Variants in CNTNAP2 observed in about 807,000 individuals in gnomAD.
CNTNAP2 encodes the protein contactin-associated protein-like 2.
CNTNAP2 carries 98 observed loss-of-function variants against 155.2 expected under a neutral mutation model. The observed-to-expected ratio is 0.63, with a 90% CI of 0.54 to 0.75. CNTNAP2 has a LOEUF of 0.75. Ranked by LOEUF, CNTNAP2 falls within the 30% of genes least tolerant of loss-of-function variation. The pLI, the probability that CNTNAP2 is intolerant of heterozygous loss-of-function variation, is 0.00. For synonymous variants in CNTNAP2, 651 were observed against 631.2 expected, an observed-to-expected ratio of 1.03 and a Z score of -0.47; for missense variants, 1,727 against 1,688.1, an observed-to-expected ratio of 1.02 and a Z score of -0.40.
At chr7:148,208,282 A>G (rs922204147) in intron 18 of CNTNAP2, among the ~76,000 whole-genome samples, 1 of 152,208 alleles carries the variant, frequency 6.6e-6, no homozygotes, top group Non-Finnish European at 1.5e-5. Flanking sequence ...TGGTCAAACT[A>G]GAAAATTCGG....
intron 3 of CNTNAP2, among the ~76,000 whole-genome samples, chr7:147,034,336 A>G (rs1183598521): frequency 6.6e-6 from 1 of 152,166 alleles, no homozygotes; most frequent in Non-Finnish European, 1.5e-5. Context: ...TCCTCTTCAC[A>G]GGGCAAGTGA....
Position 148,415,496 on chromosome 7 carries a change from C to A in CNTNAP2, c.3876C>A (p.Thr1292=). The change falls in exon 24 of 24, where the codon ACC becomes ACA. Residue 1292 remains threonine, a synonymous_variant. Coordinates refer to ENST00000361727, the MANE Select transcript of CNTNAP2 (RefSeq NM_014141.6). ...GGTACATGTTCCGCCACAAGGGCAC[C>A]TACCATACCAACGAAGCAAAGGGGG... ...LIRYMFRHKG[T]YHTNEAKGAE... is the part of the protein sequence containing the mutation. 6.2e-7 allele frequency: 1 copy of A among 1,614,234 alleles called. No individual in the cohort carries two copies. Among genetic ancestry groups the A allele is most frequent in the African/African-American group, 1.3e-5 (1 of 75,084 alleles).
At chr7:146,264,941 A>G (rs1799971339) in intron 1 of CNTNAP2, among the ~76,000 whole-genome samples, 1 of 152,204 alleles carries the variant, frequency 6.6e-6, no homozygotes, top group Non-Finnish European at 1.5e-5. Context: ...TTTCAAAGGA[A>G]TCTGAATGAG....
At chr7:146,540,524 A>G (rs1210075219) in intron 1 of CNTNAP2, among the ~76,000 whole-genome samples, 1 of 152,124 alleles carries the variant, frequency 6.6e-6, no homozygotes, top group African/African-American at 2.4e-5. Flanking sequence ...AAGGCTATGC[A>G]AGACTGCAGA....
chr7:147,107,703 G>T (rs1426533144), intron 4 of CNTNAP2, among the ~76,000 whole-genome samples: 1 of 152,046 alleles, frequency 6.6e-6, no homozygotes, highest in African/African-American at 2.4e-5. Context: ...TACATTCCAA[G>T]TGCCTTCATT....
At chr7:147,176,245 T>C (rs1802335931) in intron 8 of CNTNAP2, among the ~76,000 whole-genome samples, 1 of 152,202 alleles carries the variant, frequency 6.6e-6, no homozygotes, top group Admixed American at 6.5e-5. Context: ...ACCTCATCAG[T>C]TGGAAAATAA....
intron 15 of CNTNAP2, among the ~76,000 whole-genome samples, chr7:148,019,035 G>C (rs991280002): frequency 2.5e-4 from 38 of 152,108 alleles, no homozygotes; most frequent in African/African-American, 8.9e-4. Context: ...TCCCCATCTT[G>C]GCTCTCCTCC....
Position 146,665,783 on chromosome 7 carries a change from T to TAAAAAAACAAAAAAAAAAAAA in CNTNAP2, c.98-108481_98-108480insCAAAAAAAAAAAAAAAAAAAA, listed in dbSNP as rs1554464843. Among the ~76,000 whole-genome samples the TAAAAAAACAAAAAAAAAAAAA allele has an allele frequency of 1.3e-3, 61 of 48,282 alleles. 9 individuals carry two copies. The highest frequency in any genetic ancestry group is 5.9e-3 in the African/African-American group (52 of 8,826). The allele number at this position is 48,282 out of a possible 152,430, so 31.7% of individuals were successfully genotyped here. A position where few individuals can be genotyped will look rare whatever the true frequency, so the allele number is the denominator to read the frequency against. Reference sequence around the variant, plus strand: ...GCTATGGAGTGAGACTCTGTCTCATTAAAAAAAAAAAAAAATACATTTTGT... The same window carrying TAAAAAAACAAAAAAAAAAAAA: ...GCTATGGAGTGAGACTCTGTCTCATTAAAAAAACAAAAAAAAAAAAAAAAAAAAAAAAAAAATACATTTTGT... On this transcript the variant is annotated intron_variant, in intron 1 of 23. Transcript: ENST00000361727.
chr7:148,312,735 G>A (rs1308335174), intron 21 of CNTNAP2, among the ~76,000 whole-genome samples: 3 of 152,202 alleles, frequency 2.0e-5, no homozygotes, highest in African/African-American at 7.2e-5. Context: ...AAAAGGCCAT[G>A]CTGTAACAGG....
chr7:148,115,341 G>A (rs1303026555), intron 15 of CNTNAP2, among the ~76,000 whole-genome samples: 1 of 152,186 alleles, frequency 6.6e-6, no homozygotes, highest in Non-Finnish European at 1.5e-5. Flanking sequence ...CTGCCCTTCT[G>A]TTAATACATC....
At chr7:147,603,392 T>G (rs1800995711) in intron 12 of CNTNAP2, among the ~76,000 whole-genome samples, 1 of 152,138 alleles carries the variant, frequency 6.6e-6, no homozygotes, top group South Asian at 2.1e-4. Flanking sequence ...ACAAAATCAA[T>G]GTACAAAAAT....
intron 1 of CNTNAP2, among the ~76,000 whole-genome samples, chr7:146,762,806 G>C (rs185694947): frequency 6.6e-6 from 1 of 152,096 alleles, no homozygotes; most frequent in Non-Finnish European, 1.5e-5. Context: ...AAGGTAGCAT[G>C]TACAGGGGAA....
intron 1 of CNTNAP2, among the ~76,000 whole-genome samples, chr7:146,761,513 G>A (rs1026825319): frequency 6.6e-6 from 1 of 152,102 alleles, no homozygotes; most frequent in Non-Finnish European, 1.5e-5. Context: ...TTGTTCTGTT[G>A]TTGTTGCTGT....
chr7:147,806,304 A>C (rs1798089652), intron 13 of CNTNAP2, among the ~76,000 whole-genome samples: 1 of 152,174 alleles, frequency 6.6e-6, no homozygotes, highest in African/African-American at 2.4e-5. Context: ...CATCTCACCC[A>C]AGTTAAAATG....
chr7:146,976,756 A>G (rs12703871), intron 3 of CNTNAP2, among the ~76,000 whole-genome samples: 36,944 of 152,052 alleles, frequency 0.24, 5,332 homozygotes, highest in Non-Finnish European at 0.32. Context: ...ATGTCATTAC[A>G]CAAGAAGGGT....
At chr7:146,856,559 T>G (rs1166700940) in intron 3 of CNTNAP2, among the ~76,000 whole-genome samples, 1 of 152,144 alleles carries the variant, frequency 6.6e-6, no homozygotes, top group African/African-American at 2.4e-5. Flanking sequence ...TAAATTTGTA[T>G]AGTCTTAAAG....
intron 14 of CNTNAP2, among the ~76,000 whole-genome samples, chr7:147,963,310 CTG>C (rs1316492455): frequency 6.6e-6 from 1 of 152,110 alleles, no homozygotes; most frequent in Non-Finnish European, 1.5e-5. Flanking sequence ...TCAACCATAA[CTG>C]TATTATCCAT....
intron 12 of CNTNAP2, among the ~76,000 whole-genome samples, chr7:147,603,270 T>A (rs1800991392): frequency 6.6e-6 from 1 of 152,182 alleles, no homozygotes; most frequent in South Asian, 2.1e-4. Flanking sequence ...GTTTTTTGGC[T>A]GCATAAATGT....
chr7:146,724,199 C>A (rs980269583), intron 1 of CNTNAP2, among the ~76,000 whole-genome samples: 2 of 152,078 alleles, frequency 1.3e-5, no homozygotes, highest in East Asian at 1.9e-4. Context: ...GGGCTTATAA[C>A]AATTTTCAGT....
Sources: gnomAD v4.1 joint callset for allele counts (sites outside exome capture counted in the v4.1 genomes callset) on GRCh38, gnomAD v4.1.1 for gene constraint, MANE v1.5 for transcripts, NCBI Gene and HGNC (gene_info 2026-07-23, HGNC 2026-07-21) for gene names.